The following PDE4D variants were observed in gnomAD, a reference collection of about 807,000 sequenced individuals.
PDE4D encodes phosphodiesterase 4D, also known as 3',5'-cyclic-AMP phosphodiesterase 4D.
Under a neutral mutation model 87.4 loss-of-function variants are expected in PDE4D, and 24 were observed. The observed-to-expected ratio is 0.27, with a 90% CI of 0.20 to 0.39. The LOEUF (loss-of-function observed/expected upper bound fraction) is 0.39. Ranked by LOEUF, PDE4D falls within the 10% of genes least tolerant of loss-of-function variation. The probability of loss-of-function intolerance (pLI) is 1.00; values close to 1 mark genes in which losing one functional copy is unlikely to be tolerated. For synonymous variants in PDE4D, 384 were observed against 383.2 expected (o/e 1.00, Z -0.02); for missense variants, 714 against 1,041.0 (o/e 0.69, Z 4.32).
At chr5:59,544,511 C>T (rs1186270297) in intron 1 of PDE4D, among the ~76,000 whole-genome samples, 4 of 152,174 alleles carry the variant, frequency 2.6e-5, no homozygotes, top group Admixed American at 6.5e-5. Flanking sequence ...CTATATGAGA[C>T]TGATGAGAAA....
chr5:59,226,207 A>C (rs1753752111), intron 1 of PDE4D, among the ~76,000 whole-genome samples: 1 of 152,208 alleles, frequency 6.6e-6, no homozygotes, highest in Admixed American at 6.5e-5. Flanking sequence ...TCCCATATTC[A>C]TTTATGTATA....
At chr5:60,396,780 G>A (rs1331593438) in intron 1 of PDE4D, among the ~76,000 whole-genome samples, 2 of 152,160 alleles carry the variant, frequency 1.3e-5, no homozygotes, top group African/African-American at 2.4e-5. Flanking sequence ...TAGACAACAG[G>A]TAGATCTGTG....
intron 1 of PDE4D, among the ~76,000 whole-genome samples, chr5:60,227,754 G>T (rs1181594030): frequency 6.6e-6 from 1 of 152,064 alleles, no homozygotes; most frequent in Non-Finnish European, 1.5e-5. Flanking sequence ...ACAAAGGATA[G>T]ATTTATTTTT....
chr5:60,326,098 G>A (rs758398570), intron 1 of PDE4D, among the ~76,000 whole-genome samples: 5 of 152,018 alleles, frequency 3.3e-5, no homozygotes, highest in African/African-American at 9.7e-5. Flanking sequence ...TCCAGTTTTA[G>A]GCGATTATAA....
In PDE4D at chr5:59,396,207, G is replaced by A. The variant is rs1459630555; in HGVS notation, c.456-180239C>T. On this transcript the variant is annotated intron_variant, in intron 1 of 14. Transcript: ENST00000340635. The stretch of plus-strand genomic sequence containing the variant: ...CCCCAATCTAGCAAGGCAGGCCAAC[G>A]TTCAGATTCAGGAAATACACAGAAC... 4.3e-5 allele frequency among the ~76,000 whole-genome samples: 5 copies of A among 116,172 alleles called. 1 individual carries two copies. Among genetic ancestry groups the A allele is most frequent in the African/African-American group, 1.1e-4 (3 of 27,810 alleles). The allele number at this position is 116,172 out of a possible 152,430, so 76.2% of individuals were successfully genotyped here.
chr5:59,246,346 T>C (rs1758836027), intron 1 of PDE4D, among the ~76,000 whole-genome samples: 1 of 152,054 alleles, frequency 6.6e-6, no homozygotes, highest in African/African-American at 2.4e-5. Flanking sequence ...GGGTAGGTTA[T>C]AAAATAAAAA....
At chr5:59,053,400 C>A (rs1277059880) in intron 5 of PDE4D, among the ~76,000 whole-genome samples, 1 of 141,802 alleles carries the variant, frequency 7.1e-6, no homozygotes, top group Non-Finnish European at 1.5e-5. Flanking sequence ...CACACACACA[C>A]ACACACAATC....
intron 1 of PDE4D, among the ~76,000 whole-genome samples, chr5:60,375,909 C>G (rs1048717746): frequency 3.3e-5 from 5 of 152,064 alleles, no homozygotes; most frequent in Non-Finnish European, 5.9e-5. Flanking sequence ...TGTGGTGGTA[C>G]GCGCCTGTAG....
intron 1 of PDE4D, among the ~76,000 whole-genome samples, chr5:59,442,395 A>G (rs1394699142): frequency 3.3e-5 from 5 of 152,214 alleles, no homozygotes; most frequent in Admixed American, 2.0e-4. Flanking sequence ...TTAACAGCTT[A>G]ATACAAACTC....
At chr5:59,028,829 A>G (rs1189440553) in intron 6 of PDE4D, among the ~76,000 whole-genome samples, 1 of 152,218 alleles carries the variant, frequency 6.6e-6, no homozygotes, top group East Asian at 1.9e-4. Flanking sequence ...GATTTAGACT[A>G]GTGTGTCCAA....
At position 60,191,301 on chromosome 5, in the gene PDE4D, G is replaced by A. The variant is rs547147214; in HGVS notation, c.-89-5614C>T. On this transcript the variant is annotated intron_variant, in intron 1 of 16. Coordinates refer to the PDE4D transcript ENST00000502484. ...TGGCTGTGTCCCTACCCAAAATCTC[G>A]TCTTGAATTATAATCCCCATAATCC... Among the ~76,000 whole-genome samples, 17 of 152,018 alleles carry A rather than the reference G, an allele frequency of 1.1e-4. 1 individual carries two copies. Among genetic ancestry groups the A allele is most frequent in the South Asian group, 1.0e-3 (5 of 4,818 alleles).
intron 1 of PDE4D, among the ~76,000 whole-genome samples, chr5:59,654,421 T>C (rs902866203): frequency 3.9e-5 from 6 of 152,176 alleles, no homozygotes; most frequent in Non-Finnish European, 5.9e-5. Flanking sequence ...CTGACAGACT[T>C]TGTGGTTTGA....
chr5:59,154,634 C>A (rs1779903653), intron 5 of PDE4D, among the ~76,000 whole-genome samples: 1 of 152,154 alleles, frequency 6.6e-6, no homozygotes, highest in Non-Finnish European at 1.5e-5. Context: ...CACCTGTAAC[C>A]TCAGCACTTT....
At chr5:60,217,586 CTT>C (rs780144227) in intron 1 of PDE4D, among the ~76,000 whole-genome samples, 7 of 151,770 alleles carry the variant, frequency 4.6e-5, no homozygotes, top group Non-Finnish European at 8.8e-5. Flanking sequence ...AAATTAATAA[CTT>C]ATGTTCATCA....
At chr5:59,093,628 GT>G (rs200588142) in intron 5 of PDE4D, among the ~76,000 whole-genome samples, 5,654 of 152,264 alleles carry the variant, frequency 0.037, 123 homozygotes, top group Non-Finnish European at 0.052. Context: ...CAACCCTACA[GT>G]TGACGAGCCC....
chr5:58,994,644 T>C (rs1321936220), intron 6 of PDE4D, among the ~76,000 whole-genome samples: 2 of 152,172 alleles, frequency 1.3e-5, no homozygotes, highest in East Asian at 3.8e-4. Context: ...TAGTATTTAA[T>C]TATTTAGAAT....
rs370961780 is a variant in PDE4D at position 59,408,908 on chromosome 5, C to T, written c.456-192940G>A. Among the ~76,000 whole-genome samples, 16 of 152,026 alleles carry T rather than the reference C, an allele frequency of 1.1e-4. No individual in the cohort carries two copies. The East Asian group carries it at 1.4e-3, about 13-fold the overall frequency. On this transcript the variant is annotated intron_variant, in intron 1 of 14. Transcript: ENST00000340635. ...ATGCCTGTAATCCCAGCACTTTGGGCGGCTGAGACAGGTGAATCACCTGAG... is the reference window on the plus strand; with the variant it reads ...ATGCCTGTAATCCCAGCACTTTGGGTGGCTGAGACAGGTGAATCACCTGAG...
At chr5:59,667,806 C>T (rs928342064) in intron 1 of PDE4D, among the ~76,000 whole-genome samples, 2 of 152,198 alleles carry the variant, frequency 1.3e-5, no homozygotes, top group Admixed American at 6.5e-5. Context: ...TCTTAGATCA[C>T]ACATCCAGTC....
intron 1 of PDE4D, among the ~76,000 whole-genome samples, chr5:59,679,733 T>C (rs1212890850): frequency 6.6e-6 from 1 of 152,146 alleles, no homozygotes; most frequent in African/African-American, 2.4e-5. Context: ...AAGACTTTCA[T>C]GGAATAATGA....
Sources: gnomAD v4.1 joint callset for allele counts (sites outside exome capture counted in the v4.1 genomes callset) on GRCh38, gnomAD v4.1.1 for gene constraint, MANE v1.5 for transcripts, NCBI Gene and HGNC (gene_info 2026-07-23, HGNC 2026-07-21) for gene names.